WSCD2: variants seen among roughly 807,000 people sequenced by gnomAD.
WSCD2 encodes WSC domain sialate O sulfotransferase 2.
A neutral mutation model predicts 55.7 loss-of-function variants in WSCD2; 28 were observed. The observed-to-expected ratio is 0.50, with a 90% CI of 0.37 to 0.69. The LOEUF is 0.69. Among genes scored for constraint, WSCD2 ranks in the 30% least tolerant of loss-of-function variants. The probability of loss-of-function intolerance (pLI) is 0.00; values close to 1 mark genes in which losing one functional copy is unlikely to be tolerated. For synonymous variants in WSCD2, 301 were observed against 301.9 expected (o/e 1.00, Z 0.03); for missense variants, 616 against 762.1 (o/e 0.81, Z 2.26).
chr12:108,232,680 G>A (rs1181622503), intron 6 of WSCD2, 51 bp from the exon 7 acceptor site: 2 of 1,540,816 alleles, frequency 1.3e-6, no homozygotes, highest in Non-Finnish European at 8.8e-7. Context: ...CTTTCAGACA[G>A]GCTCCATCTG....
intron 1 of WSCD2, among the ~76,000 whole-genome samples, chr12:108,140,366 G>A (rs1281104600): frequency 6.6e-6 from 1 of 152,170 alleles, no homozygotes; most frequent in Admixed American, 6.5e-5. Flanking sequence ...TTCAGGTCTT[G>A]TCAGAGGTGA....
chr12:108,224,548 C>T (rs562259764), intron 4 of WSCD2, among the ~76,000 whole-genome samples, 191 bp from the exon 5 acceptor site: 59 of 152,294 alleles, frequency 3.9e-4, no homozygotes, highest in African/African-American at 1.3e-3. Flanking sequence ...TTTGATGTAT[C>T]GAGCTCATTG....
intron 7 of WSCD2, among the ~76,000 whole-genome samples, chr12:108,238,557 A>C (rs987335379): frequency 6.6e-6 from 1 of 152,188 alleles, no homozygotes; most frequent in Non-Finnish European, 1.5e-5. Flanking sequence ...TTTCACCCTA[A>C]GTCTTATTCT....
chr12:108,196,425 C>T (rs1883935809), intron 2 of WSCD2: 3 of 733,004 alleles, frequency 4.1e-6, no homozygotes, highest in African/African-American at 3.6e-5. Context: ...GGTCACACAG[C>T]TTGTCAAGAG....
intron 1 of WSCD2, among the ~76,000 whole-genome samples, chr12:108,173,122 T>A (rs1216215362): frequency 6.6e-6 from 1 of 152,114 alleles, no homozygotes; most frequent in Non-Finnish European, 1.5e-5. Flanking sequence ...AAAATAAATG[T>A]GTGTTGTTTA....
At chr12:108,205,218 A>G (rs1338553683) in intron 2 of WSCD2, among the ~76,000 whole-genome samples, 4 of 152,202 alleles carry the variant, frequency 2.6e-5, no homozygotes, top group Non-Finnish European at 5.9e-5. Flanking sequence ...AGGCTCTGAA[A>G]CCAGATTGCT....
chr12:108,212,438 G>T (rs1027526506), intron 4 of WSCD2, among the ~76,000 whole-genome samples: 1 of 152,020 alleles, frequency 6.6e-6, no homozygotes, highest in African/African-American at 2.4e-5. Context: ...CCTCCTTTTG[G>T]TTAATGTTCA....
chr12:108,240,664 C>G (rs767954728), intron 8 of WSCD2, 120 bp downstream of exon 8: 11 of 1,186,084 alleles, frequency 9.3e-6, no homozygotes, highest in Admixed American at 2.4e-5. Flanking sequence ...TGCGAGGAAC[C>G]CTGGAGGACA....
intron 1 of WSCD2, among the ~76,000 whole-genome samples, chr12:108,162,680 C>T (rs1879197348): frequency 6.6e-6 from 1 of 152,168 alleles, no homozygotes; most frequent in South Asian, 2.1e-4. Context: ...TCTGAGCATC[C>T]TGGAGAATGC....
chr12:108,245,388 A>G (rs551184420), intron 8 of WSCD2, among the ~76,000 whole-genome samples: 1 of 152,308 alleles, frequency 6.6e-6, no homozygotes, highest in Non-Finnish European at 1.5e-5. Context: ...CTCAGGCAAC[A>G]TACATTCCCT....
chr12:108,206,151 C>A, intron 2 of WSCD2, 138 bp from the exon 3 acceptor site: 1 of 709,974 alleles, frequency 1.4e-6, no homozygotes, highest in South Asian at 1.8e-5. Context: ...CTTTCACTCT[C>A]TCATTTCTGC....
chr12:108,246,284 G>T (rs1230268931), intron 8 of WSCD2, among the ~76,000 whole-genome samples: 1 of 152,240 alleles, frequency 6.6e-6, no homozygotes, highest in African/African-American at 2.4e-5. Flanking sequence ...AAGGGACTAG[G>T]ACTTAATTTT....
rs1298833013 is a variant in WSCD2 at position 108,196,313 on chromosome 12, C to T, written c.382+99C>T. ...GTCAGTTTTCAGTGTTTAATAGGAACCAGCTGTCATATCATTGTAGCTATA... is the reference window on the plus strand; with the variant it reads ...GTCAGTTTTCAGTGTTTAATAGGAATCAGCTGTCATATCATTGTAGCTATA... On this transcript the variant is annotated intron_variant, in intron 2 of 8. Transcript: ENST00000547525. 4.2e-6 allele frequency: 6 copies of T among 1,429,648 alleles called. No individual in the cohort carries two copies. In the East Asian group the frequency reaches 1.5e-4, roughly 36 times the overall value. 88.6% of individuals were successfully genotyped at this position (1,429,648 alleles called of 1,614,324 possible). A position where few individuals can be genotyped will look rare whatever the true frequency, so the allele number is the denominator to read the frequency against.
In WSCD2 at chr12:108,224,788, C is replaced by T. The variant is rs568265122; in HGVS notation, c.732C>T (p.Ser244=). The change falls in exon 5 of 9, where the codon TCC becomes TCT. Residue 244 remains serine, a synonymous_variant. Coordinates refer to ENST00000547525, the MANE Select transcript of WSCD2 (RefSeq NM_014653.4). ...GCTTCCGCAGGCCCGACAACCTTTC[C>T]CTGGCCTTACCCGTGACAGCTGCCA... The part of the protein sequence containing the change: ...RGCFRRPDNL[S]LALPVTAAML... 3.7e-6 allele frequency: 6 copies of T among 1,613,710 alleles called. No homozygotes were observed. The East Asian group carries it at 1.3e-4, about 36-fold the overall frequency.
At chr12:108,217,168 A>G (rs911433649) in intron 4 of WSCD2, among the ~76,000 whole-genome samples, 3 of 152,234 alleles carry the variant, frequency 2.0e-5, no homozygotes, top group East Asian at 3.8e-4. Context: ...ACACCTGCCC[A>G]ATGGCACACA....
chr12:108,208,143 A>G, intron 3 of WSCD2, among the ~76,000 whole-genome samples: 1 of 152,162 alleles, frequency 6.6e-6, no homozygotes, highest in East Asian at 1.9e-4. Context: ...GGTGCTGGAG[A>G]TGAAGAGATG....
Position 108,210,094 on chromosome 12 carries a change from AC to A in WSCD2, c.498-24del. The A allele has an allele frequency of 6.2e-7, 1 of 1,613,696 alleles. No homozygotes were observed. The highest frequency in any genetic ancestry group is 8.5e-7 in the Non-Finnish European group (1 of 1,179,892). On this transcript the variant is annotated intron_variant, in intron 3 of 8. Coordinates refer to ENST00000547525, the MANE Select transcript of WSCD2 (RefSeq NM_014653.4). The surrounding 1 kb of genome is among the most constrained non-coding windows in gnomAD (Gnocchi z 4.3). Reference sequence around the variant, plus strand: ...CCTCGGGGTCTCCATGGTGGCAGCTACCCTGCTTGACAGCAGCCTCCCCCAG... The same window carrying A: ...CCTCGGGGTCTCCATGGTGGCAGCTACCTGCTTGACAGCAGCCTCCCCCAG...
Position 108,210,427 on chromosome 12 carries a change from C to G in WSCD2, c.682+122C>G. The G allele has an allele frequency of 7.7e-7, 1 of 1,301,248 alleles. No individual in the cohort carries two copies. Among genetic ancestry groups the G allele is most frequent in the Non-Finnish European group, 1.0e-6 (1 of 967,868 alleles). 80.6% of individuals were successfully genotyped at this position (1,301,248 alleles called of 1,614,324 possible). A position where few individuals can be genotyped will look rare whatever the true frequency, so the allele number is the denominator to read the frequency against. ...GCTCCCCATCACTCCAAGGCCACCACCGTCCTGCCCCTGCCTCACCTCTCC... is the reference window on the plus strand; with the variant it reads ...GCTCCCCATCACTCCAAGGCCACCAGCGTCCTGCCCCTGCCTCACCTCTCC... On this transcript the variant is annotated intron_variant, in intron 4 of 8. Transcript: ENST00000547525. The surrounding 1 kb of genome is among the most constrained non-coding windows in gnomAD (Gnocchi z 4.3).
At position 108,227,018 on chromosome 12, in the gene WSCD2, C is replaced by T. The variant is rs766466339; in HGVS notation, c.833C>T (p.Thr278Ile). Residue 278 changes from threonine to isoleucine, a missense_variant, in exon 6 of 9, where the codon ACC becomes ATC. This residue lies in a region of WSCD2 where 374 missense variants were observed against 467.4 expected (regional missense o/e 0.80). Transcript: ENST00000547525. ...TACCCGCTGGCAGCTCTTGCAGGCA[C>T]CGCCTGCCACTGTGGGTTTCCCACC... The part of the protein sequence containing the change: ...KEYPLAALAG[T>I]ACHCGFPTTR... 1.2e-6 allele frequency: 2 copies of T among 1,614,092 alleles called. No homozygotes were observed. Among genetic ancestry groups the T allele is most frequent in the East Asian group, 2.2e-5 (1 of 44,880 alleles).
Sources: allele counts gnomAD v4.1 joint callset (sites outside exome capture counted in the v4.1 genomes callset), GRCh38; gene constraint gnomAD v4.1.1; regional missense constraint gnomAD v4.1.1; non-coding constraint Gnocchi (gnomAD v3.1); transcripts MANE v1.5; gene names NCBI Gene and HGNC (gene_info 2026-07-23, HGNC 2026-07-21).